The following MYO1E variants were observed in gnomAD, a reference collection of about 807,000 sequenced individuals.
MYO1E encodes myosin IE.
In MYO1E, 68 loss-of-function variants were observed where a neutral mutation model predicts 151.1. The ratio of observed to expected loss-of-function variants is 0.45; its 90% confidence interval spans 0.37 to 0.55. MYO1E has a LOEUF of 0.55. Ranked by LOEUF, MYO1E falls within the 20% of genes least tolerant of loss-of-function variation. The pLI is 0.00. For missense variants in MYO1E, 1,363 were observed against 1,389.3 expected, an observed-to-expected ratio of 0.98 and a Z score of 0.30; for synonymous variants, 601 against 501.7, an observed-to-expected ratio of 1.20 and a Z score of -2.64.
At chr15:59,240,760 C>G (rs2080094811) in intron 4 of MYO1E, among the ~76,000 whole-genome samples, 1 of 152,202 alleles carries the variant, frequency 6.6e-6, no homozygotes. Flanking sequence ...CTGGCTGAAT[C>G]AACGTAATTG....
At chr15:59,372,133 T>A (rs1369739946) in intron 1 of MYO1E, among the ~76,000 whole-genome samples, 1 of 150,592 alleles carries the variant, frequency 6.6e-6, no homozygotes, top group Non-Finnish European at 1.5e-5. Flanking sequence ...TCCGAGCACC[T>A]CCCCTGCCGG....
chr15:59,136,699 A>G lies in MYO1E; in HGVS notation c.*681T>C, dbSNP rs185191314. 149 of 456,524 alleles carry G rather than the reference A, an allele frequency of 3.3e-4. No homozygotes were observed. The highest frequency in any genetic ancestry group is 2.7e-3 in the African/African-American group (135 of 50,198). The allele number at this position is 456,524 out of a possible 1,614,324, so 28.3% of individuals were successfully genotyped here. A position where few individuals can be genotyped will look rare whatever the true frequency, so the allele number is the denominator to read the frequency against. ...AAGTACAGCATTTAAACACAAACCA[A>G]TATGGGCCAGCCACATTCTAATTGA... On this transcript the variant is annotated 3_prime_UTR_variant, in exon 28 of 28. Coordinates refer to ENST00000288235, the MANE Select transcript of MYO1E (RefSeq NM_004998.4).
At chr15:59,174,053 C>T in intron 20 of MYO1E, 73 bp downstream of exon 20, 1 of 1,517,098 alleles carries the variant, frequency 6.6e-7, no homozygotes, top group Non-Finnish European at 9.1e-7. Context: ...TAAAATGGAA[C>T]TTAAAACTTC....
At chr15:59,216,776 G>A (rs2079921597) in intron 10 of MYO1E, among the ~76,000 whole-genome samples, 1 of 147,290 alleles carries the variant, frequency 6.8e-6, no homozygotes, top group South Asian at 2.2e-4. Context: ...CATGCAAAAA[G>A]TTTTTGATAT....
At chr15:59,201,150 C>G (rs1173290546) in intron 16 of MYO1E, among the ~76,000 whole-genome samples, 1 of 151,550 alleles carries the variant, frequency 6.6e-6, no homozygotes, top group Non-Finnish European at 1.5e-5. Context: ...TTCTGTCCCC[C>G]AGGCTGGAGC....
chr15:59,194,579 C>G (rs560509664), intron 17 of MYO1E, among the ~76,000 whole-genome samples: 1 of 152,292 alleles, frequency 6.6e-6, no homozygotes, highest in East Asian at 1.9e-4. Flanking sequence ...TTCTTTTCTC[C>G]AAGAGAGAAG....
At chr15:59,277,564 A>AAAACAAAAAAAAAAC (rs2080328143) in intron 1 of MYO1E, among the ~76,000 whole-genome samples, 6 of 139,792 alleles carry the variant, frequency 4.3e-5, no homozygotes, top group South Asian at 2.3e-4. Context: ...AAAAAAAAAA[A>AAAACAAAAAAAAAAC]AAAAAAAAAC....
chr15:59,267,925 G>T (rs1206557246), intron 2 of MYO1E, among the ~76,000 whole-genome samples: 4 of 152,212 alleles, frequency 2.6e-5, no homozygotes, highest in African/African-American at 9.6e-5. Context: ...TTTCTAAGTG[G>T]ATTTTTTTTT....
chr15:59,242,388 GC>G lies in MYO1E; in HGVS notation c.333-5717del, dbSNP rs771158743. Among the ~76,000 whole-genome samples the G allele has an allele frequency of 3.3e-5, 5 of 152,256 alleles. No homozygotes were observed. In the East Asian group the frequency reaches 5.8e-4, roughly 18 times the overall value. ...GTGTGGACGTGTCAAGCATATAAGAGCCAGCTGGAAGGGGTTCCCACTGGCC... is the reference window on the plus strand; with the variant it reads ...GTGTGGACGTGTCAAGCATATAAGAGCAGCTGGAAGGGGTTCCCACTGGCC... On this transcript the variant is annotated intron_variant, in intron 4 of 27. Transcript: ENST00000288235.
intron 1 of MYO1E, among the ~76,000 whole-genome samples, chr15:59,319,550 CTTTTTTTTTTT>C (rs59491381): frequency 1.9e-4 from 12 of 63,728 alleles, no homozygotes; most frequent in South Asian, 5.9e-4. Context: ...GTCAAACTAC[CTTTTTTTTTTT>C]TTTTTTTTTT....
At chr15:59,254,384 T>A (rs1472270195) in intron 4 of MYO1E, among the ~76,000 whole-genome samples, 2 of 152,138 alleles carry the variant, frequency 1.3e-5, no homozygotes, top group African/African-American at 4.8e-5. Flanking sequence ...GAGACAGGGT[T>A]TGCTATGTTG....
At chr15:59,356,799 G>A (rs1271154912) in intron 1 of MYO1E, among the ~76,000 whole-genome samples, 4 of 152,050 alleles carry the variant, frequency 2.6e-5, no homozygotes, top group African/African-American at 9.7e-5. Flanking sequence ...GAACTCCTAA[G>A]CTCAAGGGAT....
chr15:59,205,469 T>C lies in MYO1E; in HGVS notation c.1547A>G (p.Asp516Gly), dbSNP rs1004815756. The C allele has an allele frequency of 3.7e-6, 6 of 1,613,908 alleles. No individual in the cohort carries two copies. In the African/African-American group the frequency reaches 6.7e-5, roughly 18 times the overall value. ...ATCCCGGTTCCTTTCACAAAAGCCA[T>C]CCATGTCATAGGATACCTGGCCAAG... is the stretch of plus-strand genomic sequence containing the variant. ...HYAGKVSYDM[D>G]GFCERNRDVL... is the part of the protein sequence containing the mutation. Residue 516 changes from aspartate to glycine, a missense_variant, in exon 15 of 28, where the codon GAT becomes GGT. Transcript: ENST00000288235.
At chr15:59,210,931 G>A (rs1475770162) in intron 12 of MYO1E, among the ~76,000 whole-genome samples, 2 of 152,140 alleles carry the variant, frequency 1.3e-5, no homozygotes, top group East Asian at 3.8e-4. Context: ...ACTGGGCGCG[G>A]TGGCTCACAT....
chr15:59,326,521 CA>C (rs1448015226), intron 1 of MYO1E, among the ~76,000 whole-genome samples: 1 of 151,988 alleles, frequency 6.6e-6, no homozygotes, highest in Non-Finnish European at 1.5e-5. Context: ...GACTCCATCT[CA>C]AAAAAAGGAT....
intron 25 of MYO1E, among the ~76,000 whole-genome samples, chr15:59,157,767 C>T (rs1298901408): frequency 6.6e-6 from 1 of 152,228 alleles, no homozygotes; most frequent in East Asian, 1.9e-4. Flanking sequence ...AAAAAAATTT[C>T]TGCTGGTTTT....
chr15:59,236,798 T>C, intron 4 of MYO1E, 126 bp from the exon 5 acceptor site: 2 of 898,788 alleles, frequency 2.2e-6, no homozygotes. Flanking sequence ...GAAAAGAATT[T>C]TTTTTTTTAA....
At chr15:59,155,705 T>C (rs1406278376) in intron 25 of MYO1E, among the ~76,000 whole-genome samples, 5 of 152,112 alleles carry the variant, frequency 3.3e-5, no homozygotes, top group Non-Finnish European at 7.3e-5. Context: ...TGTGCTTGGA[T>C]TTTCTTCAAA....
chr15:59,223,520 G>A (rs1300359300), intron 8 of MYO1E, among the ~76,000 whole-genome samples: 1 of 152,180 alleles, frequency 6.6e-6, no homozygotes, highest in Non-Finnish European at 1.5e-5. Context: ...ACTCCAGGAG[G>A]AAAGAGACTC....
Sources: gnomAD v4.1 joint callset for allele counts (sites outside exome capture counted in the v4.1 genomes callset) on GRCh38, gnomAD v4.1.1 for gene constraint, MANE v1.5 for transcripts, NCBI Gene and HGNC (gene_info 2026-07-23, HGNC 2026-07-21) for gene names.